Variants in SPAG16 observed in about 807,000 individuals in gnomAD.
SPAG16 encodes the protein sperm associated antigen 16.
A neutral mutation model predicts 80.4 loss-of-function variants in SPAG16; 86 were observed. The ratio of observed to expected loss-of-function variants is 1.07; its 90% CI spans 0.90 to 1.28. SPAG16 has a LOEUF of 1.28. Among genes scored for constraint, SPAG16 ranks in the 50% most tolerant of loss-of-function variants. The pLI, the probability that SPAG16 is intolerant of heterozygous loss-of-function variation, is 0.00. For missense variants in SPAG16, 870 were observed against 765.3 expected, an observed-to-expected ratio of 1.14 and a Z score of -1.61; for synonymous variants, 294 against 265.9, an observed-to-expected ratio of 1.11 and a Z score of -1.03.
At chr2:214,068,429 T>C (rs1038638810) in intron 13 of SPAG16, among the ~76,000 whole-genome samples, 1 of 152,122 alleles carries the variant, frequency 6.6e-6, no homozygotes, top group Non-Finnish European at 1.5e-5. Flanking sequence ...AAACCCTAAT[T>C]TGCCCAAGTT....
Position 213,680,541 on chromosome 2 carries a change from A to G in SPAG16, c.1071-181944A>G, listed in dbSNP as rs139573308. Among the ~76,000 whole-genome samples the G allele has an allele frequency of 2.2e-4, 34 of 152,190 alleles. No homozygotes were observed. The East Asian group carries it at 4.4e-3, about 20-fold the overall frequency. On this transcript the variant is annotated intron_variant, in intron 10 of 15. Transcript: ENST00000331683. ...GTTCAAGACCCTAAACCTGTATTCTATGTTCTCCAAGAGCAGTCCTCTTTC... is the reference window on the plus strand; with the variant it reads ...GTTCAAGACCCTAAACCTGTATTCTGTGTTCTCCAAGAGCAGTCCTCTTTC...
At chr2:214,205,057 C>T (rs1247236106) in intron 15 of SPAG16, among the ~76,000 whole-genome samples, 5 of 151,956 alleles carry the variant, frequency 3.3e-5, no homozygotes, top group African/African-American at 9.7e-5. Flanking sequence ...GGTGAAACCC[C>T]GTCTCTACTA....
intron 15 of SPAG16, among the ~76,000 whole-genome samples, chr2:214,325,864 C>G (rs1696440931): frequency 6.6e-6 from 1 of 152,042 alleles, no homozygotes; most frequent in South Asian, 2.1e-4. Flanking sequence ...AAGTAACTTC[C>G]ATTTTTGTAG....
rs776898821 is a variant in SPAG16 at position 214,385,183 on chromosome 2, C to T, written c.1721-24957C>T. Among the ~76,000 whole-genome samples the T allele has an allele frequency of 1.4e-4, 22 of 152,318 alleles. No individual in the cohort carries two copies. In the East Asian group the frequency reaches 1.5e-3, roughly 11 times the overall value. ...ACAGTTCAGCCAAGACACCTGGGTA[C>T]GGGTTCTGAATCTGTCACTCAATAG... On this transcript the variant is annotated intron_variant, in intron 15 of 15. Coordinates refer to ENST00000331683, the MANE Select transcript of SPAG16 (RefSeq NM_024532.5).
intron 10 of SPAG16, among the ~76,000 whole-genome samples, chr2:213,806,768 AT>A (rs2071794623): frequency 6.6e-6 from 1 of 152,210 alleles, no homozygotes; most frequent in Non-Finnish European, 1.5e-5. Flanking sequence ...AAGATTACAA[AT>A]GTTACAAACG....
intron 13 of SPAG16, among the ~76,000 whole-genome samples, chr2:214,084,873 A>G (rs1263919676): frequency 2.6e-5 from 4 of 152,238 alleles, no homozygotes; most frequent in Non-Finnish European, 5.9e-5. Context: ...GAATAAAACA[A>G]TATCTCTTTT....
chr2:213,714,406 T>C (rs1467451039), intron 10 of SPAG16, among the ~76,000 whole-genome samples: 1 of 151,958 alleles, frequency 6.6e-6, no homozygotes, highest in East Asian at 1.9e-4. Context: ...CTTCTCACCC[T>C]TTTTTTTCTT....
At chr2:213,920,581 C>T (rs2106206173) in intron 11 of SPAG16, among the ~76,000 whole-genome samples, 1 of 152,306 alleles carries the variant, frequency 6.6e-6, no homozygotes, top group East Asian at 1.9e-4. Flanking sequence ...CAGTCAGGCA[C>T]AGTTCACCAC....
At chr2:214,392,197 C>G (rs1362683121) in intron 15 of SPAG16, among the ~76,000 whole-genome samples, 2 of 152,048 alleles carry the variant, frequency 1.3e-5, no homozygotes, top group African/African-American at 4.8e-5. Context: ...GGGTTTCACT[C>G]CCATCACCCA....
chr2:213,819,112 C>A (rs2662645), intron 10 of SPAG16, among the ~76,000 whole-genome samples: 41,513 of 151,842 alleles, frequency 0.27, 5,794 homozygotes, highest in Middle Eastern at 0.39. Context: ...TGGAACATTT[C>A]TTTATAAAAT....
At chr2:213,807,014 TA>T (rs556774399) in intron 10 of SPAG16, among the ~76,000 whole-genome samples, 4 of 152,088 alleles carry the variant, frequency 2.6e-5, no homozygotes, top group Non-Finnish European at 5.9e-5. Context: ...TTCAGTCCTT[TA>T]AAAAAATCTA....
intron 15 of SPAG16, among the ~76,000 whole-genome samples, chr2:214,166,695 G>A (rs528641612): frequency 9.4e-4 from 143 of 152,190 alleles, no homozygotes; most frequent in African/African-American, 3.3e-3. Flanking sequence ...TCCTGGCGGG[G>A]CCCTGACCGA....
At chr2:213,592,814 G>A (rs570022759) in intron 10 of SPAG16, among the ~76,000 whole-genome samples, 1 of 152,300 alleles carries the variant, frequency 6.6e-6, no homozygotes, top group South Asian at 2.1e-4. Flanking sequence ...TGATCACTTC[G>A]TCAGACTGAA....
intron 6 of SPAG16, among the ~76,000 whole-genome samples, chr2:213,348,637 A>C (rs1055602136): frequency 3.3e-5 from 5 of 152,102 alleles, no homozygotes; most frequent in Non-Finnish European, 7.4e-5. Context: ...TCACTTATGA[A>C]GGTTAGTTTG....
intron 10 of SPAG16, among the ~76,000 whole-genome samples, chr2:213,838,532 T>A (rs903194273): frequency 4.6e-5 from 7 of 152,194 alleles, no homozygotes; most frequent in African/African-American, 1.7e-4. Context: ...CTATACCTCA[T>A]TGAGCAGAAC....
At chr2:213,339,060 A>G in intron 5 of SPAG16, among the ~76,000 whole-genome samples, 1 of 152,006 alleles carries the variant, frequency 6.6e-6, no homozygotes, top group East Asian at 1.9e-4. Context: ...AGAAACTTGG[A>G]AGAATGGATC....
intron 10 of SPAG16, among the ~76,000 whole-genome samples, chr2:213,533,943 G>T (rs1186807255): frequency 6.6e-6 from 1 of 152,002 alleles, no homozygotes; most frequent in Admixed American, 6.6e-5. Flanking sequence ...ATTGATGCAT[G>T]ATATTTCATC....
intron 10 of SPAG16, among the ~76,000 whole-genome samples, chr2:213,767,678 C>A (rs1012378787): frequency 3.3e-5 from 5 of 150,622 alleles, no homozygotes; most frequent in African/African-American, 1.2e-4. Flanking sequence ...CACACACACA[C>A]AAAATCAGAT....
chr2:213,475,612 A>G (rs1006134918), intron 9 of SPAG16, among the ~76,000 whole-genome samples: 1 of 152,076 alleles, frequency 6.6e-6, no homozygotes, highest in African/African-American at 2.4e-5. Context: ...TGTGAGTATG[A>G]CCTTCCCCCA....
Sources: gnomAD v4.1 joint callset for allele counts (sites outside exome capture counted in the v4.1 genomes callset) on GRCh38, gnomAD v4.1.1 for gene constraint, MANE v1.5 for transcripts, NCBI Gene and HGNC (gene_info 2026-07-23, HGNC 2026-07-21) for gene names.